Variants in ZNF740 observed in about 807,000 individuals in gnomAD.
ZNF740 encodes the protein oriLyt TD-element-binding protein 7.
In ZNF740, 14 loss-of-function variants were observed where a neutral mutation model predicts 24.8. The ratio of observed to expected loss-of-function variants is 0.56; its 90% CI spans 0.37 to 0.88. The LOEUF is 0.88. Ranked by LOEUF, ZNF740 falls within the 40% of genes least tolerant of loss-of-function variation. The pLI, the probability that ZNF740 is intolerant of heterozygous loss-of-function variation, is 0.00. For synonymous variants in ZNF740, 69 were observed against 84.0 expected, an observed-to-expected ratio of 0.82 and a Z score of 0.98; for missense variants, 201 against 247.9, an observed-to-expected ratio of 0.81 and a Z score of 1.27.
rs1941860671 is a variant in ZNF740 at position 53,188,193 on chromosome 12, T to TTA, written c.*606_*607dup. The TTA allele has an allele frequency of 6.4e-6, 1 of 155,088 alleles. No individual in the cohort carries two copies. 9.6% of individuals were successfully genotyped at this position (155,088 alleles called of 1,614,324 possible). A position where few individuals can be genotyped will look rare whatever the true frequency, so the allele number is the denominator to read the frequency against. On this transcript the variant is annotated 3_prime_UTR_variant, in exon 7 of 7. Coordinates refer to ENST00000416904, the MANE Select transcript of ZNF740 (RefSeq NM_001004304.4). ...GGCAGCTGAGCTTACTTTGGCTTCC[T>TTA]TATACACTGTAGGGACAAAAGGAAA...
In ZNF740 at chr12:53,191,984, A is replaced by C; in HGVS notation, c.*4394A>C. On this transcript the variant is annotated 3_prime_UTR_variant, in exon 7 of 7. Coordinates refer to ENST00000416904, the MANE Select transcript of ZNF740 (RefSeq NM_001004304.4). ...CCCACTGCCACGATGCCCCCTACGC[A>C]GCCCAGCACAATGGCCTGCGTGTGG... The C allele has an allele frequency of 1.2e-5, 20 of 1,612,680 alleles. No individual in the cohort carries two copies. The highest frequency in any genetic ancestry group is 2.2e-5 in the East Asian group (1 of 44,850).
chr12:53,191,616 T>C lies in ZNF740; in HGVS notation c.*4026T>C. 6.2e-7 allele frequency: 1 copy of C among 1,613,556 alleles called. No individual in the cohort carries two copies. Among genetic ancestry groups the C allele is most frequent in the Non-Finnish European group, 8.5e-7 (1 of 1,179,590 alleles). On this transcript the variant is annotated 3_prime_UTR_variant, in exon 7 of 7. Transcript: ENST00000416904. ...GATTGATGGTGGTCGTGATGGCACTTTTGTAGAGAGGATTACTGTCCTGGA... is the reference window on the plus strand; with the variant it reads ...GATTGATGGTGGTCGTGATGGCACTCTTGTAGAGAGGATTACTGTCCTGGA...
At chr12:53,183,632 G>GA (rs145689908) in intron 2 of ZNF740, among the ~76,000 whole-genome samples, 2 of 151,670 alleles carry the variant, frequency 1.3e-5, no homozygotes, top group Admixed American at 6.6e-5. Flanking sequence ...CAAGGAATGT[G>GA]AAAAAAAATG....
At position 53,191,927 on chromosome 12, in the gene ZNF740, C is replaced by T. The variant is rs1442422785; in HGVS notation, c.*4337C>T. On this transcript the variant is annotated 3_prime_UTR_variant, in exon 7 of 7. Transcript: ENST00000416904. ...TATTCCCGGCGGTCATAGATTTCCACCGAGAGCCGGTAAGCCAGGACCAGC... is the reference window on the plus strand; with the variant it reads ...TATTCCCGGCGGTCATAGATTTCCATCGAGAGCCGGTAAGCCAGGACCAGC... 1 of 1,611,220 alleles carries T rather than the reference C, an allele frequency of 6.2e-7. No homozygotes were observed. Among genetic ancestry groups the T allele is most frequent in the Non-Finnish European group, 8.5e-7 (1 of 1,180,016 alleles).
chr12:53,185,093 C>A (rs1941797510), intron 3 of ZNF740, 53 bp downstream of exon 3: 8 of 1,606,308 alleles, frequency 5.0e-6, no homozygotes. Context: ...CCCAAGCTCT[C>A]TGCCAGGAGA....
intron 1 of ZNF740, chr12:53,181,379 C>G (rs905723950): frequency 3.6e-4 from 358 of 985,304 alleles, no homozygotes; most frequent in Non-Finnish European, 4.2e-4. Flanking sequence ...CCACTGGGCA[C>G]AAAAGCCCCA....
In ZNF740 at chr12:53,194,125, C is replaced by T. The variant is rs1565700855; in HGVS notation, c.*6535C>T. 2 of 1,599,402 alleles carry T rather than the reference C, an allele frequency of 1.3e-6. No homozygotes were observed. The highest frequency in any genetic ancestry group is 1.7e-6 in the Non-Finnish European group (2 of 1,169,660). ...GTCACTCCCTGTACCTGCCACCCAT[C>T]TTTTCCTGCCTGCTTAATTTCCCAC... is the stretch of plus-strand genomic sequence containing the variant. On this transcript the variant is annotated 3_prime_UTR_variant, in exon 7 of 7. Coordinates refer to ENST00000416904, the MANE Select transcript of ZNF740 (RefSeq NM_001004304.4).
At chr12:53,181,470 G>A in intron 1 of ZNF740, 2 of 985,382 alleles carry the variant, frequency 2.0e-6, no homozygotes, top group Non-Finnish European at 2.4e-6. Flanking sequence ...TCCATAGGAG[G>A]CCCCAATTAC....
intron 2 of ZNF740, among the ~76,000 whole-genome samples, chr12:53,184,114 G>GGTGTGTGT (rs754768891): frequency 0.018 from 2,180 of 123,460 alleles, 38 homozygotes; most frequent in East Asian, 0.062. Context: ...GAAGCTAAGG[G>GGTGTGTGT]GTGTGTGTGT....
chr12:53,193,362 A>C lies in ZNF740; in HGVS notation c.*5772A>C. 6.4e-7 allele frequency: 1 copy of C among 1,573,984 alleles called. No individual in the cohort carries two copies. Among genetic ancestry groups the C allele is most frequent in the Non-Finnish European group, 8.6e-7 (1 of 1,156,236 alleles). ...AGCCGACCTAGGCGGCCAGGGGCAC[A>C]GCTGGAAGGGGAAGGCAAAGGAGAG... is the stretch of plus-strand genomic sequence containing the variant. On this transcript the variant is annotated 3_prime_UTR_variant, in exon 7 of 7. Transcript: ENST00000416904.
At chr12:53,185,503 TC>T in intron 4 of ZNF740, 27 bp downstream of exon 4, 3 of 1,603,074 alleles carry the variant, frequency 1.9e-6, no homozygotes, top group Non-Finnish European at 2.6e-6. Flanking sequence ...TCCCCCAAAC[TC>T]ATACAGTTTG....
rs534671393 is a variant in ZNF740 at position 53,188,679 on chromosome 12, G to A, written c.*1089G>A. The stretch of plus-strand genomic sequence containing the variant: ...ACTGTATTCAGGTAGAGGAGGTAGG[G>A]AGGGGTCTGTCCTTTGGTCCCAAAA... On this transcript the variant is annotated 3_prime_UTR_variant, in exon 7 of 7. Transcript: ENST00000416904. 3.3e-5 allele frequency: 5 copies of A among 152,338 alleles called. No homozygotes were observed. The highest frequency in any genetic ancestry group is 1.2e-4 in the African/African-American group (5 of 41,568). The allele number at this position is 152,338 out of a possible 1,614,324, so 9.4% of individuals were successfully genotyped here.
rs955457578 is a variant in ZNF740, at chr12:53,191,213, T to G, written c.*3623T>G. 2 of 313,980 alleles carry G rather than the reference T, an allele frequency of 6.4e-6. No homozygotes were observed. The highest frequency in any genetic ancestry group is 4.3e-5 in the African/African-American group (2 of 46,920). The allele number at this position is 313,980 out of a possible 1,614,324, so 19.4% of individuals were successfully genotyped here. A position where few individuals can be genotyped will look rare whatever the true frequency, so the allele number is the denominator to read the frequency against. On this transcript the variant is annotated 3_prime_UTR_variant, in exon 7 of 7. Coordinates refer to ENST00000416904, the MANE Select transcript of ZNF740 (RefSeq NM_001004304.4). ...TCCTGCACATTCGCGCTTGGGCACC[T>G]CTCCCTGCCCTCAGGTGGCAAGAGG...
intron 2 of ZNF740, among the ~76,000 whole-genome samples, chr12:53,183,391 A>G (rs914696397): frequency 6.6e-6 from 1 of 152,226 alleles, no homozygotes; most frequent in Non-Finnish European, 1.5e-5. Context: ...TTTCACTCCA[A>G]AGTCCCAGAA....
rs916525272 is a variant in ZNF740, at chr12:53,187,807, GC to G, written c.*218del. 5.5e-6 allele frequency: 3 copies of G among 541,752 alleles called. No homozygotes were observed. The African/African-American group carries it at 5.7e-5, about 10-fold the overall frequency. 33.6% of individuals were successfully genotyped at this position (541,752 alleles called of 1,614,324 possible). On this transcript the variant is annotated 3_prime_UTR_variant, in exon 7 of 7. Transcript: ENST00000416904. ...TGAGTATCTCGGGGAAGTTCTTACA[GC>G]ATTCCTGGGTAGGGGAGCTAGTCCC...
chr12:53,186,334 A>C (rs958285042), intron 5 of ZNF740, 57 bp from the exon 6 acceptor site: 1 of 1,445,964 alleles, frequency 6.9e-7, no homozygotes, highest in African/African-American at 1.4e-5. Context: ...GAAAACTGGA[A>C]TGAGGTCCCT....
chr12:53,180,876 A>G (rs1301376238), intron 1 of ZNF740, 39 bp downstream of exon 1: 19 of 1,210,108 alleles, frequency 1.6e-5, no homozygotes, highest in Non-Finnish European at 2.0e-5. Flanking sequence ...TCGTCCGTAC[A>G]GACGGCAGCG....
Position 53,191,098 on chromosome 12 carries a change from C to T in ZNF740, c.*3508C>T, listed in dbSNP as rs1941927146. 1 of 209,006 alleles carries T rather than the reference C, an allele frequency of 4.8e-6. No homozygotes were observed. The highest frequency in any genetic ancestry group is 5.2e-5 in the Admixed American group (1 of 19,252). The allele number at this position is 209,006 out of a possible 1,614,324, so 12.9% of individuals were successfully genotyped here. On this transcript the variant is annotated 3_prime_UTR_variant, in exon 7 of 7. Coordinates refer to ENST00000416904, the MANE Select transcript of ZNF740 (RefSeq NM_001004304.4). ...ACACCAACAGATGCAGTGTCTCTGA[C>T]CTGGGACCCCCCTGCATCCGCAGCA...
rs1264212543 is a variant in ZNF740 at position 53,189,166 on chromosome 12, A to C, written c.*1576A>C. ...CTGGTGGTTAGGATGTTTCTAACCC[A>C]AGCCAGGGCTTGTGAACATGAATTT... On this transcript the variant is annotated 3_prime_UTR_variant, in exon 7 of 7. Transcript: ENST00000416904. 1 of 152,026 alleles carries C rather than the reference A, an allele frequency of 6.6e-6. No homozygotes were observed. Among genetic ancestry groups the C allele is most frequent in the Non-Finnish European group, 1.5e-5 (1 of 67,982 alleles). 9.4% of individuals were successfully genotyped at this position (152,026 alleles called of 1,614,324 possible).
Sources: allele counts gnomAD v4.1 joint callset (sites outside exome capture counted in the v4.1 genomes callset), GRCh38; gene constraint gnomAD v4.1.1; transcripts MANE v1.5; gene names NCBI Gene and HGNC (gene_info 2026-07-23, HGNC 2026-07-21).